Variants in UGT1A10 observed in about 807,000 individuals in gnomAD.
UGT1A10 encodes UDP glucuronosyltransferase family 1 member A10, also known as UDP-glucuronosyltransferase 1A10.
A neutral mutation model predicts 45.8 loss-of-function variants in UGT1A10; 49 were observed. The ratio of observed to expected loss-of-function variants is 1.07; its 90% CI spans 0.85 to 1.36. UGT1A10 has a LOEUF of 1.36. Ranked by LOEUF, UGT1A10 falls within the 40% of genes most tolerant of loss-of-function variation. The pLI is 0.00. For synonymous variants in UGT1A10, 284 were observed against 249.7 expected (o/e 1.14, Z -1.29); for missense variants, 745 against 668.6 (o/e 1.11, Z -1.26).
At chr2:233,666,870 A>G (rs562483349) in intron 1 of UGT1A10, among the ~76,000 whole-genome samples, 6 of 142,800 alleles carry the variant, frequency 4.2e-5, no homozygotes, top group African/African-American at 1.1e-4. Flanking sequence ...TCATTGTTCA[A>G]TTCCTACCTA....
intron 1 of UGT1A10, among the ~76,000 whole-genome samples, chr2:233,709,209 C>T (rs2076065092): frequency 6.6e-6 from 1 of 152,114 alleles, no homozygotes. Flanking sequence ...ACCAGAAGTA[C>T]ATTTGAGAGT....
intron 1 of UGT1A10, chr2:233,728,998 G>C: frequency 6.4e-7 from 1 of 1,560,662 alleles, no homozygotes; most frequent in South Asian, 1.2e-5. Context: ...AACTAGAGGA[G>C]GGCACTCTGT....
chr2:233,747,399 C>G, intron 1 of UGT1A10: 4 of 1,606,666 alleles, frequency 2.5e-6, no homozygotes, highest in Non-Finnish European at 3.4e-6. Context: ...GGTCCTCACC[C>G]CAGAGGTGAA....
chr2:233,749,281 T>G (rs1294493695), intron 1 of UGT1A10, among the ~76,000 whole-genome samples: 1 of 151,972 alleles, frequency 6.6e-6, no homozygotes, highest in African/African-American at 2.4e-5. Context: ...CCTTATGCAG[T>G]GTAGTTATTC....
At chr2:233,734,267 C>T (rs1349289847) in intron 1 of UGT1A10, among the ~76,000 whole-genome samples, 2 of 152,020 alleles carry the variant, frequency 1.3e-5, no homozygotes, top group Non-Finnish European at 2.9e-5. Flanking sequence ...GTGTATGTGT[C>T]CAGGAATTTA....
At chr2:233,680,088 G>C (rs563682617) in intron 1 of UGT1A10, among the ~76,000 whole-genome samples, 38 of 151,554 alleles carry the variant, frequency 2.5e-4, no homozygotes, top group Non-Finnish European at 5.0e-4. Context: ...TTTTGAAATG[G>C]CAGGCAATCA....
At chr2:233,693,089 C>CACTTTGGGGCA in intron 1 of UGT1A10, 2 of 1,614,140 alleles carry the variant, frequency 1.2e-6, no homozygotes, top group Non-Finnish European at 1.7e-6. Context: ...AGGTGACAAG[C>CACTTTGGGGCA]TGCTGGTGGT....
intron 1 of UGT1A10, chr2:233,729,169 G>A: frequency 1.2e-6 from 2 of 1,613,744 alleles, no homozygotes; most frequent in Non-Finnish European, 1.7e-6. Flanking sequence ...GCTGGCCACA[G>A]GACTGCTGCT....
chr2:233,674,065 C>G (rs1038981584), intron 1 of UGT1A10, among the ~76,000 whole-genome samples: 4 of 152,082 alleles, frequency 2.6e-5, no homozygotes. Flanking sequence ...AGATTAAACA[C>G]CTAATGTCTA....
chr2:233,650,734 T>C (rs532725929), intron 1 of UGT1A10, among the ~76,000 whole-genome samples: 4 of 152,358 alleles, frequency 2.6e-5, no homozygotes, highest in African/African-American at 9.6e-5. Flanking sequence ...GGGGCTTTTT[T>C]CCAACTGATG....
At chr2:233,646,994 A>T (rs1208306273) in intron 1 of UGT1A10, among the ~76,000 whole-genome samples, 1 of 152,240 alleles carries the variant, frequency 6.6e-6, no homozygotes, top group Non-Finnish European at 1.5e-5. Context: ...TTAGAGTTCC[A>T]CATGGCTGGG....
chr2:233,753,489 A>C (rs964194118), intron 1 of UGT1A10: 3 of 151,990 alleles, frequency 2.0e-5, no homozygotes, highest in African/African-American at 7.3e-5. Context: ...TGCTGCTCTT[A>C]ATTTTTTTCA....
intron 1 of UGT1A10, among the ~76,000 whole-genome samples, chr2:233,684,812 A>G (rs1054910141): frequency 6.6e-6 from 1 of 152,200 alleles, no homozygotes; most frequent in Admixed American, 6.5e-5. Context: ...TCAACCACAA[A>G]AGTAAATTGT....
intron 1 of UGT1A10, among the ~76,000 whole-genome samples, chr2:233,732,928 C>A (rs2078337101): frequency 6.6e-6 from 1 of 152,058 alleles, no homozygotes; most frequent in African/African-American, 2.4e-5. Flanking sequence ...GATATTGATT[C>A]TTCCTATCCA....
At chr2:233,707,832 A>G (rs1428523705) in intron 1 of UGT1A10, among the ~76,000 whole-genome samples, 2 of 152,200 alleles carry the variant, frequency 1.3e-5, no homozygotes, top group African/African-American at 2.4e-5. Context: ...TTAATTTAAT[A>G]AGATGTAACT....
rs1265546183 is a variant in UGT1A10, at chr2:233,661,623, T to TTTTCTTTCTTTCTTTATTTC, written c.855+24261_855+24262insATTTCTTTCTTTCTTTCTTT. On this transcript the variant is annotated intron_variant, in intron 1 of 4. Coordinates refer to ENST00000344644, the MANE Select transcript of UGT1A10 (RefSeq NM_019075.4). ...ATCACTGCAGTGAAGACTTACTGAATTTTCTTTCTTTCTTTCTTTCTTTCT... is the reference window on the plus strand; with the variant it reads ...ATCACTGCAGTGAAGACTTACTGAATTTTCTTTCTTTCTTTATTTCTTTCTTTCTTTCTTTCTTTCTTTCT... Among the ~76,000 whole-genome samples, 36 of 124,046 alleles carry TTTTCTTTCTTTCTTTATTTC rather than the reference T, an allele frequency of 2.9e-4. 1 individual carries two copies. Among genetic ancestry groups the TTTTCTTTCTTTCTTTATTTC allele is most frequent in the African/African-American group, 1.1e-3 (35 of 31,332 alleles). 81.4% of individuals were successfully genotyped at this position (124,046 alleles called of 152,430 possible). A position where few individuals can be genotyped will look rare whatever the true frequency, so the allele number is the denominator to read the frequency against.
chr2:233,672,207 GGCTTTT>G (rs1210122752), intron 1 of UGT1A10: 1 of 1,614,162 alleles, frequency 6.2e-7, no homozygotes, highest in South Asian at 1.1e-5. Flanking sequence ...GGGAGTTCAA[GGCTTTT>G]GCCCATGCTC....
chr2:233,726,289 A>G (rs568621451), intron 1 of UGT1A10, among the ~76,000 whole-genome samples: 9 of 152,322 alleles, frequency 5.9e-5, no homozygotes, highest in African/African-American at 1.9e-4. Context: ...GGTACTTGGG[A>G]GGCTCAGGTG....
intron 1 of UGT1A10, among the ~76,000 whole-genome samples, chr2:233,746,183 A>G (rs985573808): frequency 4.6e-5 from 7 of 151,896 alleles, no homozygotes; most frequent in Admixed American, 6.5e-5. Context: ...TGTAAGGAAT[A>G]TATGTATAGG....
Sources: allele counts gnomAD v4.1 joint callset (sites outside exome capture counted in the v4.1 genomes callset), GRCh38; gene constraint gnomAD v4.1.1; transcripts MANE v1.5; gene names NCBI Gene and HGNC (gene_info 2026-07-23, HGNC 2026-07-21).